RBPJ: variants seen among roughly 807,000 people sequenced by gnomAD.
RBPJ encodes the protein recombination signal binding protein for immunoglobulin kappa J region.
A neutral mutation model predicts 67.8 loss-of-function variants in RBPJ; 9 were observed. The observed-to-expected ratio is 0.13, with a 90% confidence interval of 0.08 to 0.23. The LOEUF (loss-of-function observed/expected upper bound fraction) is 0.23. Among genes scored for constraint, RBPJ ranks in the 10% least tolerant of loss-of-function variants. The pLI is 1.00. For synonymous variants in RBPJ, 198 were observed against 203.3 expected (o/e 0.97, Z 0.22); for missense variants, 305 against 595.6 (o/e 0.51, Z 5.08).
At chr4:26,148,005 C>T in the RBPJ span, among the ~76,000 whole-genome samples, 1 of 152,170 alleles carries the variant, frequency 6.6e-6, no homozygotes, top group African/African-American at 2.4e-5. Flanking sequence ...AGTTGAGGCT[C>T]AGCAAGTTGG....
chr4:26,140,799 A>G, the RBPJ span, among the ~76,000 whole-genome samples: 1 of 150,546 alleles, frequency 6.6e-6, no homozygotes, highest in Non-Finnish European at 1.5e-5. Context: ...GGAGAAGTGG[A>G]TGCCCGAGCC....
At chr4:26,309,345 AT>A (rs1239563180) in intron 1 of RBPJ, among the ~76,000 whole-genome samples, 1 of 152,130 alleles carries the variant, frequency 6.6e-6, no homozygotes, top group Non-Finnish European at 1.5e-5. Flanking sequence ...ATCTAATTTG[AT>A]TCATGCAACA....
chr4:26,231,731 T>C (rs1295010064), intron 1 of RBPJ, among the ~76,000 whole-genome samples: 4 of 151,610 alleles, frequency 2.6e-5, no homozygotes, highest in Non-Finnish European at 4.4e-5. Context: ...GTATTTTTAG[T>C]AGAGATGGGG....
At chr4:26,304,146 C>A (rs570236138) in intron 1 of RBPJ, among the ~76,000 whole-genome samples, 1 of 152,288 alleles carries the variant, frequency 6.6e-6, no homozygotes, top group African/African-American at 2.4e-5. Context: ...TCATTTAGCA[C>A]GTTTTCAAGG....
intron 1 of RBPJ, among the ~76,000 whole-genome samples, chr4:26,243,221 AC>A (rs2109221756): frequency 6.6e-6 from 1 of 152,070 alleles, no homozygotes; most frequent in Non-Finnish European, 1.5e-5. Flanking sequence ...GAGCAAAAAA[AC>A]TCCGTCTCAA....
chr4:26,155,883 G>A, the RBPJ span, among the ~76,000 whole-genome samples: 22 of 152,284 alleles, frequency 1.4e-4, no homozygotes, highest in African/African-American at 4.6e-4. Context: ...CTCCAATCAC[G>A]AAATTGACCA....
chr4:26,406,644 A>G (rs773863391), intron 3 of RBPJ, among the ~76,000 whole-genome samples: 2 of 152,236 alleles, frequency 1.3e-5, no homozygotes, highest in Non-Finnish European at 2.9e-5. Context: ...TCCTGCATCC[A>G]TTGGCTGGAG....
At chr4:26,275,317 C>A (rs1469058819) in intron 1 of RBPJ, among the ~76,000 whole-genome samples, 4 of 152,176 alleles carry the variant, frequency 2.6e-5, no homozygotes, top group African/African-American at 9.7e-5. Flanking sequence ...CGCAGCTCTG[C>A]CACTTGCTGG....
chr4:26,408,067 G>A (rs1371175572), intron 3 of RBPJ, among the ~76,000 whole-genome samples: 1 of 151,574 alleles, frequency 6.6e-6, no homozygotes, highest in Non-Finnish European at 1.5e-5. Context: ...TAGAGACGGG[G>A]TTTCACTATG....
upstream of RBPJ, among the ~76,000 whole-genome samples, chr4:26,314,729 C>T (rs549402033): frequency 2.2e-4 from 34 of 152,208 alleles, no homozygotes; most frequent in African/African-American, 7.2e-4. Context: ...TCTGCGGAAC[C>T]GTGAGCCAAT....
intron 1 of RBPJ, among the ~76,000 whole-genome samples, chr4:26,342,843 GA>G (rs1577479259): frequency 6.6e-6 from 1 of 152,258 alleles, no homozygotes; most frequent in East Asian, 1.9e-4. Context: ...GGGAGCTTAG[GA>G]AAATGGTTCT....
intron 1 of RBPJ, among the ~76,000 whole-genome samples, chr4:26,362,844 G>T (rs1488527643): frequency 6.6e-6 from 1 of 152,188 alleles, no homozygotes; most frequent in Non-Finnish European, 1.5e-5. Flanking sequence ...ATACATGGTT[G>T]TGGAGGATAC....
intron 3 of RBPJ, chr4:26,410,223 G>A (rs943656433): frequency 3.4e-5 from 8 of 233,854 alleles, no homozygotes; most frequent in South Asian, 1.8e-4. Flanking sequence ...AAGGCGTAAG[G>A]CGTGAGGTTA....
chr4:26,419,082 G>A (rs192699801), intron 4 of RBPJ, among the ~76,000 whole-genome samples: 194 of 152,280 alleles, frequency 1.3e-3, no homozygotes, highest in African/African-American at 4.5e-3. Context: ...GGGCTCAAGC[G>A]ACCGTCCCAC....
In RBPJ at chr4:26,295,780, A is replaced by G. The variant is rs185086073; in HGVS notation, c.-166-66666A>G. Among the ~76,000 whole-genome samples, 58 of 152,306 alleles carry G rather than the reference A, an allele frequency of 3.8e-4. No individual in the cohort carries two copies. In the East Asian group the frequency reaches 5.8e-3, roughly 15 times the overall value. Reference sequence around the variant, plus strand: ...TCAGCCACTCAGTGTGGGCTGGTCCAATAATCATATGATTCAAGGATGTTT... The same window carrying G: ...TCAGCCACTCAGTGTGGGCTGGTCCGATAATCATATGATTCAAGGATGTTT... On this transcript the variant is annotated intron_variant, in intron 1 of 4. Transcript: ENST00000512351.
At chr4:26,145,029 T>TTC in the RBPJ span, among the ~76,000 whole-genome samples, 6 of 110,300 alleles carry the variant, frequency 5.4e-5, no homozygotes, top group Non-Finnish European at 7.1e-5. Context: ...CTTCTTCTTC[T>TTC]TTTTTTTTTT....
At chr4:26,383,596 A>G (rs1305096096) in intron 1 of RBPJ, among the ~76,000 whole-genome samples, 3 of 152,198 alleles carry the variant, frequency 2.0e-5, no homozygotes, top group African/African-American at 2.4e-5. Flanking sequence ...ATAAATATCT[A>G]TATCTAAAGA....
chr4:26,381,969 G>A (rs1030016556), intron 1 of RBPJ, among the ~76,000 whole-genome samples: 5 of 152,018 alleles, frequency 3.3e-5, no homozygotes, highest in African/African-American at 9.7e-5. Context: ...TAGTAGCAGC[G>A]ATTCTTTGTT....
intron 1 of RBPJ, among the ~76,000 whole-genome samples, chr4:26,328,320 T>C (rs548738410): frequency 8.3e-4 from 126 of 152,280 alleles, no homozygotes; most frequent in African/African-American, 2.8e-3. Context: ...ATTTATTAAA[T>C]AAGCAGTTGA....
Sources: allele counts gnomAD v4.1 joint callset (sites outside exome capture counted in the v4.1 genomes callset), GRCh38; gene constraint gnomAD v4.1.1; transcripts MANE v1.5; gene names NCBI Gene and HGNC (gene_info 2026-07-23, HGNC 2026-07-21).